Variants in NPRL2 observed in about 807,000 individuals in gnomAD.
NPRL2 encodes the protein NPR2 like, GATOR1 complex subunit, also known as GATOR1 complex protein NPRL2.
NPRL2 carries 21 observed loss-of-function variants against 51.1 expected under a neutral mutation model. That is an observed-to-expected ratio of 0.41 (90% confidence interval 0.29 to 0.59). The LOEUF is 0.59. Among genes scored for constraint, NPRL2 ranks in the 20% least tolerant of loss-of-function variants. The probability of loss-of-function intolerance (pLI) is 0.29; values close to 1 mark genes in which losing one functional copy is unlikely to be tolerated. For missense variants in NPRL2, 376 were observed against 483.4 expected, an observed-to-expected ratio of 0.78 and a Z score of 2.08; for synonymous variants, 175 against 187.8, an observed-to-expected ratio of 0.93 and a Z score of 0.56.
In NPRL2 at chr3:50,349,216, C is replaced by T. The variant is rs879774975; in HGVS notation, c.448+170G>A. On this transcript the variant is annotated intron_variant, in intron 4 of 10. Transcript: ENST00000232501. This position sits in a 1 kb window ranked among gnomAD's most constrained non-coding sequence, Gnocchi z 4.6. ...CTGGAGAGCTCTGCTTTCCCCCTAC[C>T]CCCAGTCCCAGCTCCATCATGCATT... 3 of 835,422 alleles carry T rather than the reference C, an allele frequency of 3.6e-6. No homozygotes were observed. Among genetic ancestry groups the T allele is most frequent in the Non-Finnish European group, 5.6e-6 (3 of 534,508 alleles). 51.8% of individuals were successfully genotyped at this position (835,422 alleles called of 1,614,324 possible). A position where few individuals can be genotyped will look rare whatever the true frequency, so the allele number is the denominator to read the frequency against.
Position 50,350,052 on chromosome 3 carries a change from A to T in NPRL2, c.79-30T>A. The T allele has an allele frequency of 6.4e-7, 1 of 1,563,948 alleles. No homozygotes were observed. The highest frequency in any genetic ancestry group is 8.8e-7 in the Non-Finnish European group (1 of 1,135,924). On this transcript the variant is annotated intron_variant, in intron 1 of 10. Transcript: ENST00000232501. This position sits in a 1 kb window ranked among gnomAD's most constrained non-coding sequence, Gnocchi z 5.7. ...GGAGGGGAGTGGCAATGGGCCCCTCAGTGGACATCTGTACTGGGTGTAGTA... is the reference window on the plus strand; with the variant it reads ...GGAGGGGAGTGGCAATGGGCCCCTCTGTGGACATCTGTACTGGGTGTAGTA...
rs749481228 is a variant in NPRL2, at chr3:50,348,565, T to TGA, written c.684-4_684-3dup. ...ACCAGTGTCACAACGCCGTAGTACC[T>TGA]GAGAGAGAGAGCTGTGCTCAGCTTC... On this transcript the variant is annotated splice_region_variant and splice_polypyrimidine_tract_variant and intron_variant, in intron 6 of 10. Transcript: ENST00000232501. This position sits in a 1 kb window ranked among gnomAD's most constrained non-coding sequence, Gnocchi z 5.8. 3.5e-5 allele frequency: 56 copies of TGA among 1,613,956 alleles called. No homozygotes were observed. Among genetic ancestry groups the TGA allele is most frequent in the Non-Finnish European group, 4.2e-5 (50 of 1,180,012 alleles).
Position 50,348,074 on chromosome 3 carries a change from C to T in NPRL2, c.932+50G>A, listed in dbSNP as rs919401822. The T allele has an allele frequency of 3.1e-6, 5 of 1,601,752 alleles. No individual in the cohort carries two copies. In the African/African-American group the frequency reaches 6.7e-5, roughly 21 times the overall value. Reference sequence around the variant, plus strand: ...AGGGCTCCTGAGAGACATAAAGGGTCTAGCTTCCCTCAGGTAACTCCCAAA... The same window carrying T: ...AGGGCTCCTGAGAGACATAAAGGGTTTAGCTTCCCTCAGGTAACTCCCAAA... On this transcript the variant is annotated intron_variant, in intron 9 of 10. Transcript: ENST00000232501. This position sits in a 1 kb window ranked among gnomAD's most constrained non-coding sequence, Gnocchi z 5.8.
At position 50,348,155 on chromosome 3, in the gene NPRL2, G is replaced by A. The variant is rs1220610598; in HGVS notation, c.901C>T (p.His301Tyr). 1 of 1,614,034 alleles carries A rather than the reference G, an allele frequency of 6.2e-7. No homozygotes were observed. Among genetic ancestry groups the A allele is most frequent in the Non-Finnish European group, 8.5e-7 (1 of 1,180,034 alleles). ...TCAACATGCTGCAGCTGCTGGGGGTGGCGGCCAATGAGGTCTCGCACGGTA... is the reference window on the plus strand; with the variant it reads ...TCAACATGCTGCAGCTGCTGGGGGTAGCGGCCAATGAGGTCTCGCACGGTA... ...GTTVRDLIGR[H>Y]PQQLQHVDER... The change falls in exon 9 of 11, where the codon CAC becomes TAC. Residue 301 changes from histidine (H) to tyrosine (Y), a missense_variant. Transcript: ENST00000232501. The surrounding 1 kb of genome is among the most constrained non-coding windows in gnomAD (Gnocchi z 5.8).
In NPRL2 at chr3:50,347,800, T is replaced by C; in HGVS notation, c.1034A>G (p.Tyr345Cys). The C allele has an allele frequency of 6.2e-7, 1 of 1,613,970 alleles. No individual in the cohort carries two copies. Among genetic ancestry groups the C allele is most frequent in the Non-Finnish European group, 8.5e-7 (1 of 1,180,024 alleles). The change falls in exon 10 of 11, where the codon TAT (tyrosine) becomes TGT (cysteine). Residue 345 changes from tyrosine (Y) to cysteine (C), a missense_variant. By Grantham distance (194) the Tyr-to-Cys change is radical. Coordinates refer to ENST00000232501, the MANE Select transcript of NPRL2 (RefSeq NM_006545.5). ...CTCGTCATAGCTGTGGCAGCCTGTATAAAGCCGGGCAGGGTGGCTCTGCTC... is the reference window on the plus strand; with the variant it reads ...CTCGTCATAGCTGTGGCAGCCTGTACAAAGCCGGGCAGGGTGGCTCTGCTC... ...REEQSHPARL[Y>C]TGCHSYDEIC...
chr3:50,350,121 T>G lies in NPRL2; in HGVS notation c.79-99A>C. 3.2e-6 allele frequency: 3 copies of G among 930,776 alleles called. No homozygotes were observed. The highest frequency in any genetic ancestry group is 5.1e-6 in the Non-Finnish European group (3 of 584,638). 57.7% of individuals were successfully genotyped at this position (930,776 alleles called of 1,614,324 possible). On this transcript the variant is annotated intron_variant, in intron 1 of 10. Transcript: ENST00000232501. The surrounding 1 kb of genome is among the most constrained non-coding windows in gnomAD (Gnocchi z 5.7). The stretch of plus-strand genomic sequence containing the variant: ...TGCCCCCCAAGCCCAAGTCCTCTTC[T>G]CCAGCGTTCCCCTCTCTCCCATCCA...
Position 50,347,819 on chromosome 3 carries a change from T to TCTGCTCACC in NPRL2, c.1014_1015insGGTGAGCAG (p.Gln338_Ser339insGlyGluGln), listed in dbSNP as rs1703608577. The TCTGCTCACC allele has an allele frequency of 1.2e-6, 2 of 1,613,860 alleles. No individual in the cohort carries two copies. Among genetic ancestry groups the TCTGCTCACC allele is most frequent in the Admixed American group, 1.7e-5 (1 of 60,004 alleles). On this transcript the variant is annotated inframe_insertion, in exon 10 of 11. Transcript: ENST00000232501. Reference sequence around the variant, plus strand: ...CCTGTATAAAGCCGGGCAGGGTGGCTCTGCTCTTCCCGAGTCACCCGCACA... The same window carrying TCTGCTCACC: ...CCTGTATAAAGCCGGGCAGGGTGGCTCTGCTCACCCTGCTCTTCCCGAGTCACCCGCACA...
At position 50,349,356 on chromosome 3, in the gene NPRL2, C is replaced by G. The variant is rs764369246; in HGVS notation, c.448+30G>C. On this transcript the variant is annotated intron_variant, in intron 4 of 10. Transcript: ENST00000232501. The surrounding 1 kb of genome is among the most constrained non-coding windows in gnomAD (Gnocchi z 4.6). The stretch of plus-strand genomic sequence containing the variant: ...TCACTTTCCCATCTCTCCTCTACCC[C>G]TCTGCTGTCCTTGCAGAGGCTGGCC... The G allele has an allele frequency of 2.5e-6, 4 of 1,578,744 alleles. No individual in the cohort carries two copies. The highest frequency in any genetic ancestry group is 1.1e-5 in the South Asian group (1 of 90,362).
rs759397803 is a variant in NPRL2, at chr3:50,349,631, C to T, written c.339+34G>A. 3.7e-6 allele frequency: 6 copies of T among 1,602,488 alleles called. No individual in the cohort carries two copies. The African/African-American group carries it at 4.0e-5, about 11-fold the overall frequency. Reference sequence around the variant, plus strand: ...ATGGGAACACCTTCCCCAACTCTGCCTGTCGGTAAACCCAAGCCCATCTCA... The same window carrying T: ...ATGGGAACACCTTCCCCAACTCTGCTTGTCGGTAAACCCAAGCCCATCTCA... On this transcript the variant is annotated intron_variant, in intron 3 of 10. Transcript: ENST00000232501. This position sits in a 1 kb window ranked among gnomAD's most constrained non-coding sequence, Gnocchi z 4.6.
rs1169438195 is a variant in NPRL2 at position 50,348,272 on chromosome 3, G to A, written c.815-31C>T. Reference sequence around the variant, plus strand: ...GGTGCCAGGGATCAGCTCATCATGTGGCCCTGCCCTCCCCAAGATGGCTTC... The same window carrying A: ...GGTGCCAGGGATCAGCTCATCATGTAGCCCTGCCCTCCCCAAGATGGCTTC... On this transcript the variant is annotated intron_variant, in intron 8 of 10. Transcript: ENST00000232501. This position sits in a 1 kb window ranked among gnomAD's most constrained non-coding sequence, Gnocchi z 5.8. 1.2e-6 allele frequency: 2 copies of A among 1,613,572 alleles called. No individual in the cohort carries two copies. Among genetic ancestry groups the A allele is most frequent in the Admixed American group, 1.7e-5 (1 of 60,004 alleles).
chr3:50,348,098 A>G lies in NPRL2; in HGVS notation c.932+26T>C. The G allele has an allele frequency of 1.2e-6, 2 of 1,612,392 alleles. No homozygotes were observed. The highest frequency in any genetic ancestry group is 1.7e-6 in the Non-Finnish European group (2 of 1,178,684). On this transcript the variant is annotated intron_variant, in intron 9 of 10. Coordinates refer to ENST00000232501, the MANE Select transcript of NPRL2 (RefSeq NM_006545.5). The surrounding 1 kb of genome is among the most constrained non-coding windows in gnomAD (Gnocchi z 5.8). ...TCTAGCTTCCCTCAGGTAACTCCCA[A>G]ATGCCCCAGCAAATTCTCCTCTGAC...
rs78491479 is a variant in NPRL2 at position 50,348,172 on chromosome 3, C to T, written c.884G>A (p.Arg295Gln). The T allele has an allele frequency of 1.4e-5, 23 of 1,614,036 alleles. No homozygotes were observed. Among genetic ancestry groups the T allele is most frequent in the African/African-American group, 6.7e-5 (5 of 75,040 alleles). ...YCSLSPGTTV[R>Q]DLIGRHPQQL... ...CTGGGGGTGGCGGCCAATGAGGTCT[C>T]GCACGGTAGTGCCAGGGCTCAGGCT... The change falls in exon 9 of 11, where the codon CGA becomes CAA. Residue 295 changes from arginine to glutamine, a missense_variant. Arg to Gln is a conservative substitution (Grantham distance 43). Coordinates refer to ENST00000232501, the MANE Select transcript of NPRL2 (RefSeq NM_006545.5). This position sits in a 1 kb window ranked among gnomAD's most constrained non-coding sequence, Gnocchi z 5.8.
At position 50,350,419 on chromosome 3, in the gene NPRL2, C is replaced by T; in HGVS notation, c.78+156G>A. The T allele has an allele frequency of 1.3e-6, 1 of 748,864 alleles. No homozygotes were observed. The highest frequency in any genetic ancestry group is 2.1e-6 in the Non-Finnish European group (1 of 466,224). 46.4% of individuals were successfully genotyped at this position (748,864 alleles called of 1,614,324 possible). On this transcript the variant is annotated intron_variant, in intron 1 of 10. Coordinates refer to ENST00000232501, the MANE Select transcript of NPRL2 (RefSeq NM_006545.5). The surrounding 1 kb of genome is among the most constrained non-coding windows in gnomAD (Gnocchi z 5.7). ...TATGTCTTCCCTGCCACATTGGGAG[C>T]CGGGGGCCTGGGTCTGACTATCCTC...
chr3:50,348,431 T>C lies in NPRL2; in HGVS notation c.721-21A>G, dbSNP rs762449356. 1.1e-5 allele frequency: 17 copies of C among 1,613,368 alleles called. No individual in the cohort carries two copies. The highest frequency in any genetic ancestry group is 6.7e-5 in the East Asian group (3 of 44,890). ...GAGTACTAGAGGGTAGCAGAAGGCA[T>C]AGGGGCCTGAGTGAGGGGCTTGGGA... On this transcript the variant is annotated intron_variant, in intron 7 of 10. Transcript: ENST00000232501. This position sits in a 1 kb window ranked among gnomAD's most constrained non-coding sequence, Gnocchi z 5.8.
chr3:50,347,877 C>T lies in NPRL2; in HGVS notation c.957G>A (p.Met319Ile), dbSNP rs748828125. ...TCTGTAGTCGCCTGATGAGGTTCTT[C>T]ATAAGCCCGAACTGGATCAGCTTCC... ...DERKLIQFGLMKNLIRRLQKY... is the reference protein window; with the variant it reads ...DERKLIQFGLIKNLIRRLQKY... Residue 319 changes from methionine to isoleucine, a missense_variant, in exon 10 of 11, where the codon ATG becomes ATA. By Grantham distance (10) the Met-to-Ile change is conservative. Coordinates refer to ENST00000232501, the MANE Select transcript of NPRL2 (RefSeq NM_006545.5). 6.2e-7 allele frequency: 1 copy of T among 1,613,952 alleles called. No homozygotes were observed. The highest frequency in any genetic ancestry group is 1.3e-5 in the African/African-American group (1 of 74,938).
Position 50,349,688 on chromosome 3 carries a change from C to T in NPRL2, c.316G>A (p.Ala106Thr), listed in dbSNP as rs587609327. The change falls in exon 3 of 11, where the codon GCT (alanine) becomes ACT (threonine). Residue 106 changes from alanine (A) to threonine (T), a missense_variant. Ala to Thr is a moderately conservative substitution (Grantham distance 58, BLOSUM62 0). Coordinates refer to ENST00000232501, the MANE Select transcript of NPRL2 (RefSeq NM_006545.5). The surrounding 1 kb of genome is among the most constrained non-coding windows in gnomAD (Gnocchi z 4.6). ...ACCTCTAGTGTGGTCAGATAGCCAG[C>T]CAGCTTTTTAACAATGGGCTCGAGG... ...CALEPIVKKL[A>T]GYLTTLELES... The T allele has an allele frequency of 1.2e-6, 2 of 1,612,866 alleles. No individual in the cohort carries two copies. Among genetic ancestry groups the T allele is most frequent in the Non-Finnish European group, 8.5e-7 (1 of 1,179,344 alleles).
chr3:50,347,804 GC>G lies in NPRL2; in HGVS notation c.1029del (p.Leu344PhefsTer17). The G allele has an allele frequency of 6.2e-7, 1 of 1,614,012 alleles. No homozygotes were observed. The highest frequency in any genetic ancestry group is 1.1e-5 in the South Asian group (1 of 91,084). ...TCATAGCTGTGGCAGCCTGTATAAA[GC>G]CGGGCAGGGTGGCTCTGCTCTTCCC... ...VTREEQSHPARLYTGCHSYDE... is the reference protein window; with the variant it reads ...VTREEQSHPAXLYTGCHSYDE... On this transcript the variant is annotated frameshift_variant, in exon 10 of 11. Transcript: ENST00000232501. LOFTEE classifies it high-confidence loss of function.
chr3:50,350,404 C>T lies in NPRL2; in HGVS notation c.78+171G>A, dbSNP rs922295007. The T allele has an allele frequency of 5.8e-6, 4 of 691,676 alleles. No homozygotes were observed. Among genetic ancestry groups the T allele is most frequent in the Admixed American group, 2.8e-5 (1 of 35,498 alleles). The allele number at this position is 691,676 out of a possible 1,614,324, so 42.8% of individuals were successfully genotyped here. ...ACTGCCAATGTGACGTATGTCTTCCCTGCCACATTGGGAGCCGGGGGCCTG... is the reference window on the plus strand; with the variant it reads ...ACTGCCAATGTGACGTATGTCTTCCTTGCCACATTGGGAGCCGGGGGCCTG... On this transcript the variant is annotated intron_variant, in intron 1 of 10. Coordinates refer to ENST00000232501, the MANE Select transcript of NPRL2 (RefSeq NM_006545.5). This position sits in a 1 kb window ranked among gnomAD's most constrained non-coding sequence, Gnocchi z 5.7.
chr3:50,350,375 A>G lies in NPRL2; in HGVS notation c.78+200T>C. ...GGATCCCTACAGCCCGATATCCTAC[A>G]AACACTGCCAATGTGACGTATGTCT... On this transcript the variant is annotated intron_variant, in intron 1 of 10. Transcript: ENST00000232501. The surrounding 1 kb of genome is among the most constrained non-coding windows in gnomAD (Gnocchi z 5.7). 1 of 641,104 alleles carries G rather than the reference A, an allele frequency of 1.6e-6. No individual in the cohort carries two copies. Among genetic ancestry groups the G allele is most frequent in the South Asian group, 1.9e-5 (1 of 51,672 alleles). 39.7% of individuals were successfully genotyped at this position (641,104 alleles called of 1,614,324 possible).
Sources: allele counts gnomAD v4.1 joint callset, GRCh38; gene constraint gnomAD v4.1.1; non-coding constraint Gnocchi (gnomAD v3.1); transcripts MANE v1.5; gene names NCBI Gene and HGNC (gene_info 2026-07-23, HGNC 2026-07-21).